The following ATAD5 variants were observed in gnomAD, a reference collection of about 807,000 sequenced individuals.
The protein encoded by ATAD5 is ATPase family AAA domain-containing protein 5.
In ATAD5, 58 loss-of-function variants were observed where a neutral mutation model predicts 176.9. The ratio of observed to expected loss-of-function variants is 0.33; its 90% CI spans 0.27 to 0.41. The LOEUF (loss-of-function observed/expected upper bound fraction) is 0.41. ATAD5 is among the 10% of genes least tolerant of loss of function. The pLI is 1.00. For synonymous variants in ATAD5, 640 were observed against 712.6 expected (o/e 0.90, Z 1.62); for missense variants, 1,789 against 2,094.1 (o/e 0.85, Z 2.84).
chr17:30,834,966 T>G lies in ATAD5; in HGVS notation c.885T>G (p.Thr295=). The part of the protein sequence containing the change: ...STMSICVPSE[T]VDEIVKSGYI... ...TGTCAATTTGTGTTCCTTCTGAAAC[T>G]GTCGACGAAATAGTCAAAAGTGGTT... The change falls in exon 2 of 23, where the codon ACT becomes ACG. Residue 295 remains threonine (T), a synonymous_variant. Coordinates refer to ENST00000321990, the MANE Select transcript of ATAD5 (RefSeq NM_024857.5). The G allele has an allele frequency of 1.9e-6, 3 of 1,614,038 alleles. No individual in the cohort carries two copies. Among genetic ancestry groups the G allele is most frequent in the Non-Finnish European group, 2.5e-6 (3 of 1,179,972 alleles).
chr17:30,852,942 G>A (rs1020353412), intron 6 of ATAD5, among the ~76,000 whole-genome samples: 1 of 150,740 alleles, frequency 6.6e-6, no homozygotes, highest in Non-Finnish European at 1.5e-5. Flanking sequence ...AGGCTGGAGT[G>A]CAATGGCATG....
intron 11 of ATAD5, among the ~76,000 whole-genome samples, chr17:30,867,024 A>C (rs747417845): frequency 1.3e-5 from 2 of 151,506 alleles, no homozygotes; most frequent in Non-Finnish European, 2.9e-5. Flanking sequence ...ACTTGGTACT[A>C]CTGTTCTAAG....
intron 18 of ATAD5, among the ~76,000 whole-genome samples, chr17:30,879,806 C>G (rs1908906289): frequency 6.6e-6 from 1 of 152,034 alleles, no homozygotes; most frequent in Non-Finnish European, 1.5e-5. Flanking sequence ...TTGTGATCTG[C>G]CCGCCTCGGC....
intron 18 of ATAD5, 140 bp downstream of exon 18, chr17:30,879,627 A>G: frequency 1.4e-6 from 1 of 720,372 alleles, no homozygotes; most frequent in Non-Finnish European, 2.1e-6. Flanking sequence ...CAGTGGCGCG[A>G]TCTTGGCTCA....
chr17:30,850,030 A>G lies in ATAD5; in HGVS notation c.2451-5113A>G, dbSNP rs562960904. ...GTGGTGTATGCCTATAGGCCCAGCT[A>G]CTTGGGAGTCTGAGACAGGAGGATC... On this transcript the variant is annotated intron_variant, in intron 6 of 22. Coordinates refer to ENST00000321990, the MANE Select transcript of ATAD5 (RefSeq NM_024857.5). 3.3e-5 allele frequency among the ~76,000 whole-genome samples: 5 copies of G among 152,264 alleles called. No individual in the cohort carries two copies. In the East Asian group the frequency reaches 9.6e-4, roughly 29 times the overall value.
At chr17:30,878,452 C>T in intron 17 of ATAD5, among the ~76,000 whole-genome samples, 1 of 152,076 alleles carries the variant, frequency 6.6e-6, no homozygotes. Context: ...CCCCTGATAA[C>T]ACTTTCTTAT....
chr17:30,877,851 A>G, intron 16 of ATAD5, 152 bp from the exon 17 acceptor site: 1 of 631,830 alleles, frequency 1.6e-6, no homozygotes, highest in Non-Finnish European at 2.6e-6. Context: ...TTTAAAATTC[A>G]TTATAGTGTA....
rs143854673 is a variant in ATAD5 at position 30,855,195 on chromosome 17, C to T, written c.2503C>T (p.Arg835Cys). Reference protein sequence around the residue: ...QDCDVQCKAKRDFLMSGLPDL... With the variant: ...QDCDVQCKAKCDFLMSGLPDL... ...TTGTGATGTTCAATGTAAAGCAAAG[C>T]GTGACTTCCTAATGAGTGGTTTGCC... Residue 835 changes from arginine (R) to cysteine (C), a missense_variant, in exon 7 of 23, where the codon CGT becomes TGT. Transcript: ENST00000321990. 4.6e-5 allele frequency: 75 copies of T among 1,613,454 alleles called. No individual in the cohort carries two copies. Among genetic ancestry groups the T allele is most frequent in the Non-Finnish European group, 6.1e-5 (72 of 1,179,850 alleles).
chr17:30,846,252 A>G (rs1906490927), intron 6 of ATAD5, among the ~76,000 whole-genome samples: 2 of 151,534 alleles, frequency 1.3e-5, no homozygotes, highest in Non-Finnish European at 1.5e-5. Flanking sequence ...CATAAACTTC[A>G]TATATATATT....
chr17:30,891,199 T>G (rs920934749), intron 19 of ATAD5, among the ~76,000 whole-genome samples: 12 of 152,172 alleles, frequency 7.9e-5, no homozygotes, highest in African/African-American at 2.9e-4. Flanking sequence ...TTGTACCAAC[T>G]TATGCTCCCA....
At chr17:30,885,823 T>A (rs1285400547) in intron 18 of ATAD5, among the ~76,000 whole-genome samples, 1 of 151,688 alleles carries the variant, frequency 6.6e-6, no homozygotes, top group Non-Finnish European at 1.5e-5. Context: ...TTAGTAGAGA[T>A]GGGGTTTTGC....
chr17:30,855,410 G>A, intron 7 of ATAD5, 83 bp downstream of exon 7: 1 of 1,329,952 alleles, frequency 7.5e-7, no homozygotes, highest in South Asian at 1.6e-5. Flanking sequence ...TAAAGATGAG[G>A]CTGAAGTTTA....
At position 30,895,329 on chromosome 17, in the gene ATAD5, C is replaced by CA. The variant is rs1467419423; in HGVS notation, c.*421dup. ...CTAAATTTGACTGGCTTTACAAAAA[C>CA]AAAAACATTATCTGGTGAATTATAT... On this transcript the variant is annotated 3_prime_UTR_variant, in exon 23 of 23. Coordinates refer to ENST00000321990, the MANE Select transcript of ATAD5 (RefSeq NM_024857.5). 1.3e-5 allele frequency: 2 copies of CA among 150,974 alleles called. No individual in the cohort carries two copies. Among genetic ancestry groups the CA allele is most frequent in the East Asian group, 3.9e-4 (2 of 5,122 alleles). 9.4% of individuals were successfully genotyped at this position (150,974 alleles called of 1,614,324 possible).
chr17:30,893,595 C>G lies in ATAD5; in HGVS notation c.4742C>G (p.Thr1581Ser). 6.2e-7 allele frequency: 1 copy of G among 1,613,878 alleles called. No homozygotes were observed. The highest frequency in any genetic ancestry group is 2.2e-5 in the East Asian group (1 of 44,876). ...TTAGATGATAGTGATCTATTTGACA[C>G]TGACTTGGACTTTCCTGATCAATCT... ...VILDDSDLFD[T>S]DLDFPDQSIS... Residue 1581 changes from threonine to serine, a missense_variant, in exon 21 of 23, where the codon ACT becomes AGT. Thr to Ser is a moderately conservative substitution (Grantham distance 58). This residue lies in a region of ATAD5 where 403 missense variants were observed against 495.1 expected (regional missense o/e 0.81). Transcript: ENST00000321990.
Position 30,893,560 on chromosome 17 carries a change from A to C in ATAD5, c.4707A>C (p.Thr1569=). The part of the protein sequence containing the change: ...KKSQKKKQKK[T]LVILDDSDLF... ...CCCAGAAAAAGAAACAAAAGAAAAC[A>C]TTGGTAATATTAGATGATAGTGATC... Residue 1569 remains threonine (T), a synonymous_variant, in exon 21 of 23, where the codon ACA becomes ACC. Transcript: ENST00000321990. The C allele has an allele frequency of 6.2e-7, 1 of 1,613,144 alleles. No homozygotes were observed. Among genetic ancestry groups the C allele is most frequent in the Non-Finnish European group, 8.5e-7 (1 of 1,179,674 alleles).
intron 18 of ATAD5, among the ~76,000 whole-genome samples, chr17:30,885,337 C>T (rs2142440340): frequency 6.6e-6 from 1 of 152,308 alleles, no homozygotes. Context: ...TGAGCCACCA[C>T]AACTGTCAGT....
chr17:30,868,375 G>A lies in ATAD5; in HGVS notation c.3276G>A (p.Arg1092=). The change falls in exon 12 of 23, where the codon AGG becomes AGA. Residue 1092 remains arginine, a synonymous_variant. Transcript: ENST00000321990. ...AAAGAAGAGCTGAATTGGAAGAAAG[G>A]CAGAATCTGAAGGGAAAAAGAGATG... is the stretch of plus-strand genomic sequence containing the variant. ...DWKRRAELEE[R]QNLKGKRDEK... is the part of the protein sequence containing the mutation. 1 of 1,580,730 alleles carries A rather than the reference G, an allele frequency of 6.3e-7. No individual in the cohort carries two copies. Among genetic ancestry groups the A allele is most frequent in the Non-Finnish European group, 8.6e-7 (1 of 1,167,750 alleles).
intron 14 of ATAD5, 35 bp from the exon 15 acceptor site, chr17:30,876,339 A>G: frequency 4.5e-6 from 7 of 1,540,904 alleles, no homozygotes; most frequent in Non-Finnish European, 5.3e-6. Flanking sequence ...GATTTTTAGA[A>G]TATTTATCTT....
chr17:30,835,243 T>C lies in ATAD5; in HGVS notation c.1162T>C (p.Ser388Pro), dbSNP rs1463421608. Residue 388 changes from serine (S) to proline (P), a missense_variant, in exon 2 of 23, where the codon TCT (serine) becomes CCT (proline). By Grantham distance (74) the Ser-to-Pro change is moderately conservative. Transcript: ENST00000321990. ...LELAVLEAGSSEAVKPKCTLE... is the reference protein window; with the variant it reads ...LELAVLEAGSPEAVKPKCTLE... ...ATTGGCTGTTTTGGAAGCTGGAAGT[T>C]CTGAAGCTGTGAAACCAAAATGCAC... The C allele has an allele frequency of 6.2e-7, 1 of 1,614,094 alleles. No individual in the cohort carries two copies. The highest frequency in any genetic ancestry group is 1.1e-5 in the South Asian group (1 of 91,030).
Sources: gnomAD v4.1 joint callset for allele counts (sites outside exome capture counted in the v4.1 genomes callset) on GRCh38, gnomAD v4.1.1 for gene constraint, gnomAD v4.1.1 regional missense constraint, MANE v1.5 for transcripts, NCBI Gene and HGNC (gene_info 2026-07-23, HGNC 2026-07-21) for gene names.